DSE: variants seen among roughly 807,000 people sequenced by gnomAD.
DSE encodes dermatan sulfate epimerase.
Under a neutral mutation model 84.4 loss-of-function variants are expected in DSE, and 36 were observed. The ratio of observed to expected loss-of-function variants is 0.43; its 90% CI spans 0.33 to 0.56. The LOEUF (loss-of-function observed/expected upper bound fraction) is 0.56, where lower values mean the gene tolerates loss of function less well. Among genes scored for constraint, DSE ranks in the 20% least tolerant of loss-of-function variants. The pLI is 0.06. For synonymous variants in DSE, 410 were observed against 430.1 expected (o/e 0.95, Z 0.58); for missense variants, 862 against 1,169.6 (o/e 0.74, Z 3.84).
chr6:116,311,242 C>G (rs956480855), intron 2 of DSE, among the ~76,000 whole-genome samples: 2 of 152,182 alleles, frequency 1.3e-5, no homozygotes, highest in African/African-American at 2.4e-5. Context: ...TTGTCACAAT[C>G]CAAAGCTATA....
chr6:116,329,774 C>T (rs1296097515), intron 2 of DSE, among the ~76,000 whole-genome samples: 1 of 152,118 alleles, frequency 6.6e-6, no homozygotes, highest in Non-Finnish European at 1.5e-5. Context: ...AGTCAGAAAA[C>T]ATAAAGTGAT....
At chr6:116,337,246 T>A (rs1437852137) in intron 2 of DSE, among the ~76,000 whole-genome samples, 1 of 152,162 alleles carries the variant, frequency 6.6e-6, no homozygotes, top group South Asian at 2.1e-4. Context: ...GAGGAAAATA[T>A]ATATAAGAAA....
intron 2 of DSE, among the ~76,000 whole-genome samples, chr6:116,321,647 G>A (rs540393903): frequency 3.9e-5 from 6 of 152,152 alleles, no homozygotes; most frequent in South Asian, 2.1e-4. Context: ...ATTAGCCGGC[G>A]CCTGTAATTC....
At chr6:116,277,317 TTCA>T (rs1773192057) in intron 2 of DSE, 1 of 152,660 alleles carries the variant, frequency 6.6e-6, no homozygotes, top group South Asian at 2.1e-4. Context: ...TATTTTTCCA[TTCA>T]TCATCATTGG....
chr6:116,436,280 G>A lies in DSE; in HGVS notation c.1812G>A (p.Gly604=), dbSNP rs1466453978. The A allele has an allele frequency of 1.2e-6, 2 of 1,613,972 alleles. No homozygotes were observed. The highest frequency in any genetic ancestry group is 1.7e-6 in the Non-Finnish European group (2 of 1,180,014). ...FEETVVDGVH[G]AFIRQRDGLY... Reference sequence around the variant, plus strand: ...AGACTGTGGTAGATGGTGTCCATGGGGCTTTCATCAGGCAGAGAGATGGTC... The same window carrying A: ...AGACTGTGGTAGATGGTGTCCATGGAGCTTTCATCAGGCAGAGAGATGGTC... Residue 604 remains glycine, a synonymous_variant, in exon 6 of 6, where the codon GGG becomes GGA. Coordinates refer to ENST00000644252, the MANE Select transcript of DSE (RefSeq NM_013352.4).
chr6:116,279,419 G>A, intron 2 of DSE: 1 of 1,613,382 alleles, frequency 6.2e-7, no homozygotes. Flanking sequence ...GCGGATCTCT[G>A]GGCGCCACAG....
At chr6:116,390,048 A>G (rs756262582) in intron 1 of DSE, among the ~76,000 whole-genome samples, 11 of 151,012 alleles carry the variant, frequency 7.3e-5, no homozygotes, top group Middle Eastern at 3.2e-3. Context: ...TTGTATTTTC[A>G]ATGCCTAACA....
intron 3 of DSE, 36 bp from the exon 4 acceptor site, chr6:116,430,917 GC>G: frequency 6.2e-7 from 1 of 1,607,432 alleles, no homozygotes; most frequent in South Asian, 1.1e-5. Flanking sequence ...TTTGTCACAG[GC>G]TTTAGTCATT....
intron 5 of DSE, among the ~76,000 whole-genome samples, chr6:116,435,369 A>G (rs1294885659): frequency 6.6e-6 from 1 of 152,208 alleles, no homozygotes; most frequent in Non-Finnish European, 1.5e-5. Context: ...CCCAAACCCA[A>G]GGATCACAAA....
chr6:116,437,192 C>T lies in DSE; in HGVS notation c.2724C>T (p.Asn908=), dbSNP rs750711471. Residue 908 remains asparagine (N), a synonymous_variant, in exon 6 of 6, where the codon AAC becomes AAT. Transcript: ENST00000644252. ...ASYTRLFLIL[N]IAIFFVMLAM... ...ATACCAGGTTGTTCCTGATTCTGAA[C>T]ATTGCTATTTTCTTTGTCATGTTGG... is the stretch of plus-strand genomic sequence containing the variant. 63 of 1,613,996 alleles carry T rather than the reference C, an allele frequency of 3.9e-5. No homozygotes were observed. Among genetic ancestry groups the T allele is most frequent in the Non-Finnish European group, 5.3e-5 (63 of 1,180,018 alleles).
chr6:116,265,682 A>G (rs9387391), intron 2 of DSE, among the ~76,000 whole-genome samples: 36,744 of 152,008 alleles, frequency 0.24, 5,555 homozygotes, highest in East Asian at 0.64. Context: ...GCAAGCAGGA[A>G]TGGCCAGGCT....
intron 2 of DSE, among the ~76,000 whole-genome samples, chr6:116,306,062 A>T (rs989558258): frequency 6.6e-6 from 1 of 152,192 alleles, no homozygotes; most frequent in Non-Finnish European, 1.5e-5. Context: ...GAGTATGTGT[A>T]TGTGTGTATA....
intron 2 of DSE, among the ~76,000 whole-genome samples, chr6:116,321,212 T>C (rs1332116328): frequency 8.3e-4 from 6 of 7,202 alleles, no homozygotes; most frequent in African/African-American, 3.8e-3. Flanking sequence ...CTCACCCTGT[T>C]GCCCAGGCTG....
intron 1 of DSE, among the ~76,000 whole-genome samples, chr6:116,374,000 T>C (rs778515528): frequency 1.3e-5 from 2 of 152,214 alleles, no homozygotes; most frequent in African/African-American, 2.4e-5. Flanking sequence ...TAATCTTTGT[T>C]TTCAAAAAGG....
chr6:116,359,869 T>C (rs949669581), intron 2 of DSE, among the ~76,000 whole-genome samples: 1 of 152,202 alleles, frequency 6.6e-6, no homozygotes, highest in Non-Finnish European at 1.5e-5. Flanking sequence ...TGAGGCAAGA[T>C]CTCTTAGGTT....
chr6:116,257,818 C>T (rs1418463387), intron 1 of DSE, among the ~76,000 whole-genome samples: 2 of 152,112 alleles, frequency 1.3e-5, no homozygotes, highest in Non-Finnish European at 2.9e-5. Flanking sequence ...AGGACCCCAG[C>T]TCCAAATACT....
rs986807496 is a variant in DSE at position 116,433,483 on chromosome 6, G to A, written c.1051G>A (p.Val351Met). ...AGCTGACCAAATCAGAAGGAACCGT[G>A]TGGTGGAAGGTCCAGGAACACCATC... ...WLADQIRRNRVVEGPGTPSKG... is the reference protein window; with the variant it reads ...WLADQIRRNRMVEGPGTPSKG... The change falls in exon 5 of 6, where the codon GTG becomes ATG. Residue 351 changes from valine (V) to methionine (M), a missense_variant. Around this residue, in one of 4 missense-constraint regions of DSE, gnomAD observed 309 missense variants for 516.9 expected, o/e 0.60. Coordinates refer to ENST00000644252, the MANE Select transcript of DSE (RefSeq NM_013352.4). 8 of 1,561,740 alleles carry A rather than the reference G, an allele frequency of 5.1e-6. No homozygotes were observed. Among genetic ancestry groups the A allele is most frequent in the Non-Finnish European group, 6.9e-6 (8 of 1,151,720 alleles).
At chr6:116,324,233 T>G (rs1381899542) in intron 2 of DSE, among the ~76,000 whole-genome samples, 3 of 152,224 alleles carry the variant, frequency 2.0e-5, no homozygotes, top group Non-Finnish European at 4.4e-5. Flanking sequence ...TATATCTTAC[T>G]TCATCAGCTT....
At chr6:116,298,909 G>A (rs570782486) in intron 2 of DSE, among the ~76,000 whole-genome samples, 24 of 152,216 alleles carry the variant, frequency 1.6e-4, no homozygotes, top group African/African-American at 4.8e-4. Flanking sequence ...ATAAAAAATC[G>A]TTTTGGATAC....
Sources: gnomAD v4.1 joint callset for allele counts (sites outside exome capture counted in the v4.1 genomes callset) on GRCh38, gnomAD v4.1.1 for gene constraint, gnomAD v4.1.1 regional missense constraint, MANE v1.5 for transcripts, NCBI Gene and HGNC (gene_info 2026-07-23, HGNC 2026-07-21) for gene names.